The following NALCN variants were observed in gnomAD, a reference collection of about 807,000 sequenced individuals.
The protein encoded by NALCN is sodium leak channel NALCN.
In NALCN, 111 loss-of-function variants were observed where a neutral mutation model predicts 225.3. The observed-to-expected ratio is 0.49, with a 90% CI of 0.42 to 0.58. NALCN has a LOEUF of 0.58. Ranked by LOEUF, NALCN falls within the 20% of genes least tolerant of loss-of-function variation. NALCN has a pLI of 0.00. For synonymous variants in NALCN, 764 were observed against 769.0 expected, an observed-to-expected ratio of 0.99 and a Z score of 0.11; for missense variants, 1,378 against 2,202.4, an observed-to-expected ratio of 0.63 and a Z score of 7.49.
At chr13:101,153,139 T>C (rs756781237) in intron 15 of NALCN, among the ~76,000 whole-genome samples, 1 of 152,204 alleles carries the variant, frequency 6.6e-6, no homozygotes, top group African/African-American at 2.4e-5. Flanking sequence ...ATTTAAACTT[T>C]TGTTCAGTTT....
At chr13:101,338,699 G>A (rs1325186048) in intron 7 of NALCN, among the ~76,000 whole-genome samples, 1 of 152,184 alleles carries the variant, frequency 6.6e-6, no homozygotes, top group African/African-American at 2.4e-5. Context: ...CCTCTGTTTG[G>A]ATAACGGTCT....
intron 13 of NALCN, among the ~76,000 whole-genome samples, chr13:101,215,120 G>A (rs1396633364): frequency 6.6e-6 from 1 of 152,074 alleles, no homozygotes; most frequent in Non-Finnish European, 1.5e-5. Context: ...TTCCTGAGTG[G>A]TAAAGTAGAG....
chr13:101,193,381 A>G (rs2039760550), intron 13 of NALCN, among the ~76,000 whole-genome samples: 1 of 152,194 alleles, frequency 6.6e-6, no homozygotes, highest in Admixed American at 6.5e-5. Context: ...TAAGGATAAC[A>G]AACTTTCTTA....
At chr13:101,274,893 C>T (rs1457148448) in intron 10 of NALCN, among the ~76,000 whole-genome samples, 1 of 152,048 alleles carries the variant, frequency 6.6e-6, no homozygotes, top group Non-Finnish European at 1.5e-5. Context: ...CTTAGTATGG[C>T]CAAAGAGTTG....
At chr13:101,373,671 G>A (rs183491040) in intron 6 of NALCN, among the ~76,000 whole-genome samples, 87 of 152,258 alleles carry the variant, frequency 5.7e-4, no homozygotes, top group African/African-American at 1.9e-3. Context: ...GAAATACTGA[G>A]AGCTTCTCCT....
intron 37 of NALCN, among the ~76,000 whole-genome samples, chr13:101,073,028 G>A (rs1207914900): frequency 6.6e-6 from 1 of 152,180 alleles, no homozygotes; most frequent in Non-Finnish European, 1.5e-5. Flanking sequence ...GAGAACTATA[G>A]AGCAGCATAA....
At chr13:101,058,968 A>T (rs34972871) in intron 42 of NALCN, 2 of 152,092 alleles carry the variant, frequency 1.3e-5, no homozygotes, top group Non-Finnish European at 2.9e-5. Context: ...GAGCTATGGC[A>T]CCAGTGGGCC....
intron 34 of NALCN, among the ~76,000 whole-genome samples, chr13:101,079,643 A>G (rs182415345): frequency 6.6e-6 from 1 of 152,332 alleles, no homozygotes; most frequent in East Asian, 1.9e-4. Flanking sequence ...ATGACTATCT[A>G]TCTACTTTTC....
At chr13:101,147,567 T>C (rs1308382940) in intron 15 of NALCN, among the ~76,000 whole-genome samples, 3 of 152,044 alleles carry the variant, frequency 2.0e-5, no homozygotes, top group African/African-American at 4.8e-5. Context: ...AAAACAAAAA[T>C]ATAAACTTTT....
At chr13:101,184,847 T>C (rs966412611) in intron 14 of NALCN, among the ~76,000 whole-genome samples, 6 of 152,316 alleles carry the variant, frequency 3.9e-5, no homozygotes, top group Middle Eastern at 3.4e-3. Flanking sequence ...TTACCCTATA[T>C]AGCTTTCCCT....
intron 11 of NALCN, among the ~76,000 whole-genome samples, chr13:101,252,856 C>T (rs1009359056): frequency 2.0e-5 from 3 of 151,826 alleles, no homozygotes; most frequent in African/African-American, 7.3e-5. Context: ...TTGTATCTCT[C>T]CCATCTGTTT....
At chr13:101,291,806 T>A (rs1416961705) in intron 9 of NALCN, among the ~76,000 whole-genome samples, 184 bp downstream of exon 9, 2 of 152,120 alleles carry the variant, frequency 1.3e-5, no homozygotes, top group African/African-American at 4.8e-5. Flanking sequence ...TCCCTCAGCC[T>A]CCCAAAGTGC....
At chr13:101,387,214 C>G (rs1456502483) in intron 3 of NALCN, among the ~76,000 whole-genome samples, 2 of 116,210 alleles carry the variant, frequency 1.7e-5, no homozygotes, top group Non-Finnish European at 3.2e-5. Flanking sequence ...GGCGACAGAG[C>G]GAGACTCCGT....
intron 15 of NALCN, among the ~76,000 whole-genome samples, chr13:101,165,632 G>A (rs1204548191): frequency 6.6e-6 from 1 of 152,108 alleles, no homozygotes; most frequent in Non-Finnish European, 1.5e-5. Flanking sequence ...ACCATGTCCG[G>A]CTAGGCTAAT....
At chr13:101,100,611 C>A (rs535901575) in intron 27 of NALCN, among the ~76,000 whole-genome samples, 173 bp downstream of exon 27, 1 of 152,136 alleles carries the variant, frequency 6.6e-6, no homozygotes, top group Non-Finnish European at 1.5e-5. Flanking sequence ...ACAGGGCTCT[C>A]GCTCTGTTGC....
At chr13:101,230,399 TA>T (rs1268275624) in intron 12 of NALCN, among the ~76,000 whole-genome samples, 2 of 152,196 alleles carry the variant, frequency 1.3e-5, no homozygotes, top group East Asian at 1.9e-4. Flanking sequence ...TTTCCTCCTT[TA>T]AAAAACAGAA....
intron 6 of NALCN, 148 bp downstream of exon 6, chr13:101,376,552 C>A: frequency 1.5e-6 from 1 of 655,900 alleles, no homozygotes; most frequent in Non-Finnish European, 2.3e-6. Flanking sequence ...AAAAACTGGA[C>A]AAAAACAATA....
intron 6 of NALCN, among the ~76,000 whole-genome samples, chr13:101,349,710 C>T (rs2045851988): frequency 6.6e-6 from 1 of 152,162 alleles, no homozygotes; most frequent in Non-Finnish European, 1.5e-5. Context: ...TGACCTTTCT[C>T]TTTTCATGAT....
chr13:101,075,054 A>T (rs970831685), intron 35 of NALCN, among the ~76,000 whole-genome samples: 3 of 152,186 alleles, frequency 2.0e-5, no homozygotes, highest in African/African-American at 7.2e-5. Context: ...TCTTCCACAA[A>T]CAGACTTTCA....
Sources: gnomAD v4.1 joint callset for allele counts (sites outside exome capture counted in the v4.1 genomes callset) on GRCh38, gnomAD v4.1.1 for gene constraint, MANE v1.5 for transcripts, NCBI Gene and HGNC (gene_info 2026-07-23, HGNC 2026-07-21) for gene names.